UBXN7: variants seen among roughly 807,000 people sequenced by gnomAD.
UBXN7 encodes UBX domain protein 7.
In UBXN7, 9 loss-of-function variants were observed where a neutral mutation model predicts 58.0. The ratio of observed to expected loss-of-function variants is 0.16; its 90% CI spans 0.09 to 0.27. UBXN7 has a LOEUF of 0.27. Ranked by LOEUF, UBXN7 falls within the 10% of genes least tolerant of loss-of-function variation. UBXN7 has a pLI of 1.00. For synonymous variants in UBXN7, 208 were observed against 205.0 expected, an observed-to-expected ratio of 1.01 and a Z score of -0.12; for missense variants, 328 against 599.6, an observed-to-expected ratio of 0.55 and a Z score of 4.73.
chr3:196,380,886 G>A (rs1307574987), intron 5 of UBXN7, among the ~76,000 whole-genome samples: 1 of 152,240 alleles, frequency 6.6e-6, no homozygotes, highest in Non-Finnish European at 1.5e-5. Flanking sequence ...TGCCAGCGCA[G>A]CAGTCAGAGA....
chr3:196,402,314 A>G (rs1730020214), intron 3 of UBXN7, among the ~76,000 whole-genome samples: 1 of 152,128 alleles, frequency 6.6e-6, no homozygotes, highest in South Asian at 2.1e-4. Flanking sequence ...AGCCACCTCA[A>G]CACAAAGTAT....
At chr3:196,405,098 A>G (rs1388957842) in intron 2 of UBXN7, among the ~76,000 whole-genome samples, 1 of 152,102 alleles carries the variant, frequency 6.6e-6, no homozygotes, top group Non-Finnish European at 1.5e-5. Context: ...GTGAGTTGAG[A>G]GCAGTAAGCA....
intron 5 of UBXN7, among the ~76,000 whole-genome samples, chr3:196,376,973 G>A (rs1412436700): frequency 3.3e-5 from 5 of 151,196 alleles, no homozygotes; most frequent in Non-Finnish European, 7.4e-5. Context: ...TTGAACCCAG[G>A]AAGTTGGGGC....
At chr3:196,391,713 G>T in intron 5 of UBXN7, 100 bp downstream of exon 5, 1 of 823,536 alleles carries the variant, frequency 1.2e-6, no homozygotes, top group Non-Finnish European at 1.9e-6. Context: ...CAGCCTGGAC[G>T]ACAGAGCGAG....
chr3:196,395,320 A>G (rs1025757189), intron 3 of UBXN7, among the ~76,000 whole-genome samples: 2 of 152,312 alleles, frequency 1.3e-5, no homozygotes, highest in African/African-American at 2.4e-5. Context: ...ACATATTAAA[A>G]ACTTCATTTT....
At chr3:196,423,171 G>A (rs1308535570) in intron 1 of UBXN7, among the ~76,000 whole-genome samples, 1 of 152,246 alleles carries the variant, frequency 6.6e-6, no homozygotes. Flanking sequence ...GTCACCACCT[G>A]GTCTGGGGAT....
intron 1 of UBXN7, among the ~76,000 whole-genome samples, chr3:196,417,177 G>T (rs1226745611): frequency 6.6e-6 from 1 of 152,164 alleles, no homozygotes; most frequent in Non-Finnish European, 1.5e-5. Flanking sequence ...GCCGGGCGTG[G>T]TGGCGGGCGC....
At chr3:196,378,423 C>T (rs1286900015) in intron 5 of UBXN7, among the ~76,000 whole-genome samples, 2 of 152,080 alleles carry the variant, frequency 1.3e-5, no homozygotes, top group African/African-American at 2.4e-5. Flanking sequence ...CTCTTCCATG[C>T]TGTTTATTTT....
At chr3:196,413,947 G>A (rs1255426124) in intron 1 of UBXN7, among the ~76,000 whole-genome samples, 1 of 152,118 alleles carries the variant, frequency 6.6e-6, no homozygotes, top group Non-Finnish European at 1.5e-5. Context: ...TTATACTATA[G>A]AGAATAATGA....
intron 1 of UBXN7, among the ~76,000 whole-genome samples, chr3:196,422,089 A>C (rs920886021): frequency 2.6e-5 from 4 of 152,042 alleles, no homozygotes; most frequent in African/African-American, 9.7e-5. Flanking sequence ...AGTCCCAGCT[A>C]CTTGGGAGGG....
chr3:196,409,722 G>A (rs561681345), intron 1 of UBXN7, among the ~76,000 whole-genome samples: 72 of 152,142 alleles, frequency 4.7e-4, no homozygotes, highest in South Asian at 3.7e-3. Context: ...AGGTAGAAGC[G>A]TCCTACTCTC....
chr3:196,429,840 C>CCACT (rs1008058764), intron 1 of UBXN7, among the ~76,000 whole-genome samples: 8 of 152,142 alleles, frequency 5.3e-5, no homozygotes, highest in African/African-American at 1.9e-4. Context: ...TCTCCAGATA[C>CCACT]CACTGTCTAC....
intron 7 of UBXN7, 26 bp downstream of exon 7, chr3:196,369,395 A>C (rs752389001): frequency 1.2e-5 from 18 of 1,528,658 alleles, no homozygotes; most frequent in Admixed American, 8.6e-5. Context: ...AATAGGTTAA[A>C]AGCTGCGTGC....
chr3:196,408,097 CAAAAAAAAAAA>C (rs71621241), intron 1 of UBXN7, among the ~76,000 whole-genome samples: 3 of 45,248 alleles, frequency 6.6e-5, no homozygotes, highest in Admixed American at 2.5e-4. Context: ...GACTCTGTCT[CAAAAAAAAAAA>C]AAAAAAAAAA....
intron 5 of UBXN7, among the ~76,000 whole-genome samples, chr3:196,378,429 AT>A (rs906246062): frequency 7.3e-5 from 11 of 151,406 alleles, no homozygotes; most frequent in Non-Finnish European, 1.0e-4. Flanking sequence ...CATGCTGTTT[AT>A]TTTTTTTTAA....
chr3:196,365,265 A>C lies in UBXN7; in HGVS notation c.835-2578T>G, dbSNP rs544641432. On this transcript the variant is annotated intron_variant, in intron 8 of 10. Coordinates refer to ENST00000296328, the MANE Select transcript of UBXN7 (RefSeq NM_015562.2). ...TCCCCACCTTAAAAAAAAAAAAAAA[A>C]AGAGTATACATCCAGGAAAAGAAAA... 8.1e-3 allele frequency among the ~76,000 whole-genome samples: 1,217 copies of C among 150,168 alleles called. 17 individuals carry two copies. Among genetic ancestry groups the C allele is most frequent in the African/African-American group, 0.028 (1,137 of 40,564 alleles).
intron 8 of UBXN7, among the ~76,000 whole-genome samples, 167 bp downstream of exon 8, chr3:196,367,861 T>C (rs1469391217): frequency 6.6e-6 from 1 of 152,194 alleles, no homozygotes; most frequent in Non-Finnish European, 1.5e-5. Flanking sequence ...GGAACTCTCA[T>C]GTGGGAAATT....
chr3:196,370,788 A>G (rs866184278), intron 6 of UBXN7, among the ~76,000 whole-genome samples: 1 of 150,816 alleles, frequency 6.6e-6, no homozygotes, highest in African/African-American at 2.4e-5. Flanking sequence ...TGGGAAGCCA[A>G]GGGAAGCAGA....
Position 196,401,836 on chromosome 3 carries a change from A to AGAAGC in UBXN7, c.289+1115_289+1116insGCTTC, listed in dbSNP as rs1211502046. Among the ~76,000 whole-genome samples the AGAAGC allele has an allele frequency of 3.6e-4, 54 of 149,800 alleles. 1 individual carries two copies. The highest frequency in any genetic ancestry group is 1.0e-3 in the African/African-American group (41 of 40,806). ...AAGAAAAGAGAAGAGAGAAGAGAAG[A>AGAAGC]GAAGAGAAGAGAAGAGAAGAGAAGA... On this transcript the variant is annotated intron_variant, in intron 3 of 10. Transcript: ENST00000296328.
Sources: gnomAD v4.1 joint callset for allele counts (sites outside exome capture counted in the v4.1 genomes callset) on GRCh38, gnomAD v4.1.1 for gene constraint, MANE v1.5 for transcripts, NCBI Gene and HGNC (gene_info 2026-07-23, HGNC 2026-07-21) for gene names.